Variants in ZNF521 observed in about 807,000 individuals in gnomAD.
The protein encoded by ZNF521 is zinc finger protein 521, also known as LYST-interacting protein 3.
A neutral mutation model predicts 105.5 loss-of-function variants in ZNF521; 14 were observed. The ratio of observed to expected loss-of-function variants is 0.13; its 90% CI spans 0.09 to 0.21. The LOEUF is 0.21. Ranked by LOEUF, ZNF521 falls within the 10% of genes least tolerant of loss-of-function variation. The pLI, the probability that ZNF521 is intolerant of heterozygous loss-of-function variation, is 1.00. For synonymous variants in ZNF521, 635 were observed against 606.0 expected, an observed-to-expected ratio of 1.05 and a Z score of -0.70; for missense variants, 1,233 against 1,629.7, an observed-to-expected ratio of 0.76 and a Z score of 4.19.
At chr18:25,321,932 A>C in intron 3 of ZNF521, 76 bp downstream of exon 3, 1 of 1,374,188 alleles carries the variant, frequency 7.3e-7, no homozygotes, top group East Asian at 2.3e-5. Context: ...GAAGAGAAAA[A>C]CACATAAAGG....
At position 25,074,814 on chromosome 18, in the gene ZNF521, A is replaced by G. The variant is rs79209985; in HGVS notation, c.3907-12073T>C. Among the ~76,000 whole-genome samples the G allele has an allele frequency of 4.1e-3, 630 of 152,174 alleles. 4 individuals carry two copies. Among genetic ancestry groups the G allele is most frequent in the African/African-American group, 0.014 (600 of 41,504 alleles). ...GGCTTTACTTCTAGGTCTCTGTGGG[A>G]CAGTTTCCTCACCCCTTATGGTGCA... On this transcript the variant is annotated intron_variant, in intron 7 of 7. Coordinates refer to ENST00000361524, the MANE Select transcript of ZNF521 (RefSeq NM_015461.3).
intron 5 of ZNF521, among the ~76,000 whole-genome samples, chr18:25,128,225 G>A (rs77311381): frequency 0.014 from 2,148 of 151,548 alleles, 51 homozygotes; most frequent in African/African-American, 0.047. Flanking sequence ...AAAAAAAATC[G>A]TATCAACAGA....
At chr18:25,219,532 A>G (rs1905554911) in intron 4 of ZNF521, among the ~76,000 whole-genome samples, 1 of 152,192 alleles carries the variant, frequency 6.6e-6, no homozygotes, top group Non-Finnish European at 1.5e-5. Flanking sequence ...TGTGAGTTGG[A>G]GACATCATTG....
At chr18:25,198,070 A>T (rs1371427963) in intron 4 of ZNF521, among the ~76,000 whole-genome samples, 1 of 151,904 alleles carries the variant, frequency 6.6e-6, no homozygotes, top group Non-Finnish European at 1.5e-5. Context: ...GCCTTTATCA[A>T]CGCTTAAGTT....
chr18:25,336,827 T>G (rs11661958), intron 2 of ZNF521, among the ~76,000 whole-genome samples: 69,530 of 151,990 alleles, frequency 0.46, 16,264 homozygotes, highest in Middle Eastern at 0.51. Flanking sequence ...TATGCTATGG[T>G]GTGTACAAAA....
At chr18:25,256,341 T>C (rs911964329) in intron 3 of ZNF521, among the ~76,000 whole-genome samples, 3 of 152,054 alleles carry the variant, frequency 2.0e-5, no homozygotes, top group African/African-American at 7.2e-5. Context: ...GCTGCACAAA[T>C]GATGTGAATG....
chr18:25,338,399 C>T (rs1181449383), intron 2 of ZNF521, among the ~76,000 whole-genome samples: 1 of 151,732 alleles, frequency 6.6e-6, no homozygotes, highest in Admixed American at 6.6e-5. Context: ...CACAATCTTT[C>T]ACAGTTTTTC....
intron 7 of ZNF521, among the ~76,000 whole-genome samples, chr18:25,071,877 A>G (rs906187418): frequency 1.3e-5 from 2 of 152,148 alleles, no homozygotes; most frequent in African/African-American, 4.8e-5. Context: ...GAGGAGTCAC[A>G]CATGCCTGGT....
Position 25,282,416 on chromosome 18 carries a change from C to T in ZNF521, c.220+39592G>A, listed in dbSNP as rs140425608. ...ACCAGGGAGCAAAGTGCAGGCTAGTCCTTCACACCCAAGCCTTAGGGGAGG... is the reference window on the plus strand; with the variant it reads ...ACCAGGGAGCAAAGTGCAGGCTAGTTCTTCACACCCAAGCCTTAGGGGAGG... On this transcript the variant is annotated intron_variant, in intron 3 of 7. Transcript: ENST00000361524. Among the ~76,000 whole-genome samples the T allele has an allele frequency of 1.3e-3, 196 of 152,210 alleles. 2 individuals carry two copies. Among genetic ancestry groups the T allele is most frequent in the African/African-American group, 4.6e-3 (192 of 41,548 alleles).
At chr18:25,214,788 G>C (rs773597023) in intron 4 of ZNF521, among the ~76,000 whole-genome samples, 122 of 152,210 alleles carry the variant, frequency 8.0e-4, no homozygotes, top group Non-Finnish European at 1.2e-3. Flanking sequence ...GCACGTGAAG[G>C]AGACCAGCTG....
At chr18:25,080,179 C>G (rs1714322036) in intron 7 of ZNF521, among the ~76,000 whole-genome samples, 1 of 152,130 alleles carries the variant, frequency 6.6e-6, no homozygotes. Flanking sequence ...CAGTTCCTGG[C>G]CAGTTAGTTT....
At chr18:25,350,247 AGAAGTAGGGGCGAGGG>A (rs1020054525) in intron 2 of ZNF521, among the ~76,000 whole-genome samples, 4 of 151,832 alleles carry the variant, frequency 2.6e-5, no homozygotes, top group Non-Finnish European at 5.9e-5. Context: ...GGCGGCGGGG[AGAAGTAGGGGCGAGGG>A]GCGGTCAACT....
chr18:25,151,276 C>G (rs2035043365), intron 5 of ZNF521, among the ~76,000 whole-genome samples: 1 of 152,154 alleles, frequency 6.6e-6, no homozygotes, highest in South Asian at 2.1e-4. Context: ...CTTCCTTGGC[C>G]TTCCTGGGAC....
At chr18:25,106,079 C>A (rs1442633351) in intron 5 of ZNF521, among the ~76,000 whole-genome samples, 17 of 152,074 alleles carry the variant, frequency 1.1e-4, no homozygotes, top group Admixed American at 1.1e-3. Context: ...ATTAAAAAAT[C>A]TGACTAATTC....
intron 3 of ZNF521, among the ~76,000 whole-genome samples, chr18:25,229,426 C>A (rs559436121): frequency 1.3e-5 from 2 of 152,082 alleles, no homozygotes; most frequent in Non-Finnish European, 2.9e-5. Context: ...GACTCTATAA[C>A]CCAACATGTT....
intron 3 of ZNF521, among the ~76,000 whole-genome samples, chr18:25,284,360 CTGAA>C (rs1231603934): frequency 3.0e-4 from 45 of 152,008 alleles, no homozygotes; most frequent in Admixed American, 2.9e-3. Context: ...CCTTTACTTC[CTGAA>C]TGAATGCACA....
intron 2 of ZNF521, among the ~76,000 whole-genome samples, chr18:25,346,852 T>C (rs960653675): frequency 1.9e-4 from 29 of 152,150 alleles, no homozygotes; most frequent in African/African-American, 5.3e-4. Context: ...GATATCCTAA[T>C]TGTGTCTTGT....
chr18:25,288,171 T>C (rs975191196), intron 3 of ZNF521, among the ~76,000 whole-genome samples: 5 of 152,182 alleles, frequency 3.3e-5, no homozygotes, highest in Admixed American at 3.3e-4. Context: ...CATAGAAATT[T>C]CATAACTCTG....
intron 5 of ZNF521, among the ~76,000 whole-genome samples, chr18:25,094,598 G>A (rs1034810369): frequency 1.1e-4 from 17 of 152,056 alleles, no homozygotes; most frequent in African/African-American, 4.1e-4. Context: ...AAAAAAGTTG[G>A]AAGTTCTACC....
Sources: allele counts gnomAD v4.1 joint callset (sites outside exome capture counted in the v4.1 genomes callset), GRCh38; gene constraint gnomAD v4.1.1; transcripts MANE v1.5; gene names NCBI Gene and HGNC (gene_info 2026-07-23, HGNC 2026-07-21).